RSF1: variants seen among roughly 807,000 people sequenced by gnomAD.
The protein encoded by RSF1 is remodeling and spacing factor 1.
In RSF1, 13 loss-of-function variants were observed where a neutral mutation model predicts 145.2. The observed-to-expected ratio is 0.09, with a 90% CI of 0.06 to 0.14. The LOEUF is 0.14. RSF1 is among the 10% of genes least tolerant of loss of function. The probability of loss-of-function intolerance (pLI) is 1.00; values close to 1 mark genes in which losing one functional copy is unlikely to be tolerated. For missense variants in RSF1, 1,517 were observed against 1,718.2 expected, an observed-to-expected ratio of 0.88 and a Z score of 2.07; for synonymous variants, 577 against 592.6, an observed-to-expected ratio of 0.97 and a Z score of 0.38.
At chr11:77,856,236 C>A in the RSF1 span, among the ~76,000 whole-genome samples, 3 of 152,234 alleles carry the variant, frequency 2.0e-5, no homozygotes, top group Admixed American at 6.5e-5. Context: ...AAGCATAGCA[C>A]AAGTAACCTT....
chr11:77,741,880 A>G (rs868784174), intron 3 of RSF1, among the ~76,000 whole-genome samples: 1 of 152,196 alleles, frequency 6.6e-6, no homozygotes, highest in African/African-American at 2.4e-5. Context: ...GTAATCACCA[A>G]TCTACTGTGA....
intron 1 of RSF1, among the ~76,000 whole-genome samples, chr11:77,794,860 T>C (rs1353805095): frequency 1.3e-5 from 2 of 152,076 alleles, no homozygotes; most frequent in South Asian, 2.1e-4. Flanking sequence ...GCTAAAGCAG[T>C]AAGGCAAGAG....
chr11:77,805,599 C>G (rs909286620), intron 1 of RSF1, among the ~76,000 whole-genome samples: 1 of 152,092 alleles, frequency 6.6e-6, no homozygotes, highest in Non-Finnish European at 1.5e-5. Context: ...AAAAATTCTT[C>G]TTAAAAGCAT....
chr11:77,753,861 G>C (rs1038353225), intron 2 of RSF1, among the ~76,000 whole-genome samples: 2 of 152,128 alleles, frequency 1.3e-5, no homozygotes, highest in Non-Finnish European at 2.9e-5. Context: ...GCTCCACGTG[G>C]ACCTGCCAAT....
At chr11:77,830,561 T>C in the RSF1 span, among the ~76,000 whole-genome samples, 1 of 146,380 alleles carries the variant, frequency 6.8e-6, no homozygotes, top group African/African-American at 2.5e-5. Context: ...CCTTGTCCAC[T>C]AGAGGCAAGG....
At chr11:77,707,838 A>C (rs1261624891) in intron 5 of RSF1, among the ~76,000 whole-genome samples, 2 of 152,228 alleles carry the variant, frequency 1.3e-5, no homozygotes, top group African/African-American at 2.4e-5. Context: ...TAGCATGCTA[A>C]GTGCAAAAAG....
intron 1 of RSF1, among the ~76,000 whole-genome samples, chr11:77,805,233 C>T (rs1294319261): frequency 6.6e-6 from 1 of 152,112 alleles, no homozygotes; most frequent in African/African-American, 2.4e-5. Context: ...GCTTTGGAGG[C>T]TGAGGTGGGT....
intron 1 of RSF1, among the ~76,000 whole-genome samples, chr11:77,798,219 T>C (rs1590893338): frequency 6.6e-6 from 1 of 152,176 alleles, no homozygotes; most frequent in East Asian, 1.9e-4. Flanking sequence ...GTATGTTTAC[T>C]GCAGCATAAA....
chr11:77,688,726 G>T (rs1262529588), intron 9 of RSF1, among the ~76,000 whole-genome samples: 1 of 152,086 alleles, frequency 6.6e-6, no homozygotes, highest in Non-Finnish European at 1.5e-5. Flanking sequence ...GGAGTTCCAA[G>T]ACCAGCCTGG....
chr11:77,764,783 T>C, intron 1 of RSF1, 94 bp from the exon 2 acceptor site: 1 of 800,556 alleles, frequency 1.2e-6, no homozygotes, highest in South Asian at 1.6e-5. Context: ...CAACCCTGGA[T>C]ACCTTCTCAA....
chr11:77,670,835 G>A (rs1360488352), intron 15 of RSF1, among the ~76,000 whole-genome samples: 10 of 151,800 alleles, frequency 6.6e-5, no homozygotes, highest in Non-Finnish European at 1.0e-4. Context: ...AGCCGGGCGC[G>A]GTGGCTCACG....
chr11:77,700,950 T>C lies in RSF1; in HGVS notation c.2279A>G (p.Glu760Gly), dbSNP rs767016195. 1.2e-6 allele frequency: 2 copies of C among 1,613,542 alleles called. No individual in the cohort carries two copies. The highest frequency in any genetic ancestry group is 2.2e-5 in the South Asian group (2 of 91,048). ...TTTCTCCTCTTCCTTTTCTGTCTTCTCTTGCTTGTTTTCTGGTTCTAGAAC... is the reference window on the plus strand; with the variant it reads ...TTTCTCCTCTTCCTTTTCTGTCTTCCCTTGCTTGTTTTCTGGTTCTAGAAC... ...PKVLEPENKQ[E>G]KTEKEEEKTN... Residue 760 changes from glutamate to glycine, a missense_variant, in exon 6 of 16, where the codon GAG becomes GGG. Physicochemically the swap from Glu to Gly is moderately conservative, Grantham distance 98. Transcript: ENST00000308488.
At chr11:77,775,649 G>A (rs1301940230) in intron 1 of RSF1, among the ~76,000 whole-genome samples, 1 of 152,196 alleles carries the variant, frequency 6.6e-6, no homozygotes, top group Non-Finnish European at 1.5e-5. Context: ...TAAAACTTGA[G>A]CAGGGCCAGG....
rs533543116 is a variant in RSF1, at chr11:77,715,487, G to A, written c.733+10058C>T. Among the ~76,000 whole-genome samples the A allele has an allele frequency of 4.3e-4, 66 of 152,114 alleles. 1 individual carries two copies. In the South Asian group the frequency reaches 8.1e-3, roughly 19 times the overall value. On this transcript the variant is annotated intron_variant, in intron 5 of 15. Coordinates refer to ENST00000308488, the MANE Select transcript of RSF1 (RefSeq NM_016578.4). ...TTTTGAGAGGGAGTTGCACTCTGTC[G>A]CCCAGGCTGGAGTGCAGTAGCGCAA... is the stretch of plus-strand genomic sequence containing the variant.
At chr11:77,754,504 G>C (rs1948096041) in intron 2 of RSF1, among the ~76,000 whole-genome samples, 1 of 152,130 alleles carries the variant, frequency 6.6e-6, no homozygotes, top group African/African-American at 2.4e-5. Flanking sequence ...CACACTGAGA[G>C]ACCAAGGCAG....
At chr11:77,849,376 C>T in the RSF1 span, among the ~76,000 whole-genome samples, 1 of 152,078 alleles carries the variant, frequency 6.6e-6, no homozygotes, top group Admixed American at 6.5e-5. Context: ...TGTGTGTGAC[C>T]ACGCCCGGCT....
chr11:77,703,502 T>C (rs1038657339), intron 5 of RSF1: 8 of 152,208 alleles, frequency 5.3e-5, no homozygotes, highest in African/African-American at 1.9e-4. Context: ...TCCTAAAATT[T>C]TGAAATGATT....
chr11:77,702,493 C>A lies in RSF1; in HGVS notation c.736G>T (p.Glu246Ter). ...KKEEETPKQEEQKESEKMKSE... is the reference protein window; with the variant it reads ...KKEEETPKQE ...TTCATCTTTTCACTTTCTTTCTGTT[C>A]CTCTAAAAATCAGAAAAAGCTTAAT... The change falls in exon 6 of 16, where the codon GAA becomes TAA. Residue 246 changes from glutamate to a stop codon, truncating the protein, a stop_gained and splice_region_variant. Coordinates refer to ENST00000308488, the MANE Select transcript of RSF1 (RefSeq NM_016578.4). LOFTEE classifies it high-confidence loss of function. The A allele has an allele frequency of 6.6e-7, 1 of 1,526,612 alleles. No individual in the cohort carries two copies. Among genetic ancestry groups the A allele is most frequent in the Non-Finnish European group, 8.7e-7 (1 of 1,147,226 alleles). 94.6% of individuals were successfully genotyped at this position (1,526,612 alleles called of 1,614,324 possible). A position where few individuals can be genotyped will look rare whatever the true frequency, so the allele number is the denominator to read the frequency against.
At chr11:77,797,086 A>G (rs929473878) in intron 1 of RSF1, among the ~76,000 whole-genome samples, 2 of 152,238 alleles carry the variant, frequency 1.3e-5, no homozygotes, top group African/African-American at 4.8e-5. Flanking sequence ...CATACTGCCA[A>G]AAGTAATTTA....
Sources: gnomAD v4.1 joint callset for allele counts (sites outside exome capture counted in the v4.1 genomes callset) on GRCh38, gnomAD v4.1.1 for gene constraint, MANE v1.5 for transcripts, NCBI Gene and HGNC (gene_info 2026-07-23, HGNC 2026-07-21) for gene names.